The following DNAAF1 variants were observed in gnomAD, a reference collection of about 807,000 sequenced individuals.
DNAAF1 encodes dynein assembly factor 1, axonemal.
In DNAAF1, 65 loss-of-function variants were observed where a neutral mutation model predicts 71.1. The observed-to-expected ratio is 0.91, with a 90% CI of 0.75 to 1.12. The LOEUF (loss-of-function observed/expected upper bound fraction) is 1.12. Among genes scored for constraint, DNAAF1 ranks in the 50% most tolerant of loss-of-function variants. DNAAF1 has a pLI of 0.00. For synonymous variants in DNAAF1, 414 were observed against 354.6 expected (o/e 1.17, Z -1.88); for missense variants, 1,178 against 899.8 (o/e 1.31, Z -3.96).
chr16:84,163,504 C>G (rs575214246), intron 6 of DNAAF1, among the ~76,000 whole-genome samples: 20 of 152,154 alleles, frequency 1.3e-4, no homozygotes, highest in African/African-American at 4.3e-4. Flanking sequence ...CCTCAGCCTC[C>G]CTAGTAGCTG....
intron 11 of DNAAF1, chr16:84,177,423 C>T (rs1355295909): frequency 2.7e-6 from 1 of 371,098 alleles, no homozygotes; most frequent in Non-Finnish European, 5.3e-6. Context: ...TTACAGGCAC[C>T]CGTCAAGGGA....
chr16:84,166,362 C>CTTTT (rs2087993209), intron 7 of DNAAF1, among the ~76,000 whole-genome samples: 1 of 125,276 alleles, frequency 8.0e-6, no homozygotes, highest in African/African-American at 3.1e-5. Flanking sequence ...CTTGGATTTT[C>CTTTT]TTTTTTTCTT....
At chr16:84,166,092 T>C in intron 7 of DNAAF1, 143 bp downstream of exon 7, 4 of 1,187,832 alleles carry the variant, frequency 3.4e-6, no homozygotes, top group Non-Finnish European at 4.7e-6. Context: ...GTCACTGAGG[T>C]TGCAAAGTTG....
intron 7 of DNAAF1, among the ~76,000 whole-genome samples, chr16:84,168,572 C>T (rs904127950): frequency 6.6e-6 from 1 of 152,142 alleles, no homozygotes; most frequent in African/African-American, 2.4e-5. Context: ...GCCACTGCAC[C>T]TGGCCACACA....
At chr16:84,169,679 C>G (rs2088218998) in intron 7 of DNAAF1, among the ~76,000 whole-genome samples, 180 bp from the exon 8 acceptor site, 1 of 152,146 alleles carries the variant, frequency 6.6e-6, no homozygotes, top group Non-Finnish European at 1.5e-5. Context: ...CCTCGGCCTC[C>G]CAAAGTGCTG....
intron 10 of DNAAF1, among the ~76,000 whole-genome samples, chr16:84,175,075 C>T (rs191853914): frequency 1.4e-4 from 21 of 152,234 alleles, no homozygotes; most frequent in African/African-American, 4.3e-4. Flanking sequence ...AGGCTGGTCT[C>T]GAACTCCTGA....
intron 3 of DNAAF1, among the ~76,000 whole-genome samples, chr16:84,151,424 A>T (rs372819917): frequency 6.6e-6 from 1 of 152,156 alleles, no homozygotes; most frequent in African/African-American, 2.4e-5. Flanking sequence ...GCCCACTCCA[A>T]AATTCTCTAC....
At chr16:84,168,230 G>T (rs2088127336) in intron 7 of DNAAF1, among the ~76,000 whole-genome samples, 1 of 152,130 alleles carries the variant, frequency 6.6e-6, no homozygotes, top group South Asian at 2.1e-4. Flanking sequence ...TTCCATGCCA[G>T]CAGTGTGGCA....
In DNAAF1 at chr16:84,150,336, T is replaced by C. The variant is rs1270138457; in HGVS notation, c.346T>C (p.Phe116Leu). ...PALNDTLYLH[F>L]KGFDRIENLE... is the part of the protein sequence containing the mutation. Reference sequence around the variant, plus strand: ...ATTGAATGATACGCTGTATTTACACTTTAAAGGTAAGGACCTAAGAGAGGA... The same window carrying C: ...ATTGAATGATACGCTGTATTTACACCTTAAAGGTAAGGACCTAAGAGAGGA... The change falls in exon 3 of 12, where the codon TTT becomes CTT. Residue 116 changes from phenylalanine to leucine, a missense_variant. Coordinates refer to ENST00000378553, the MANE Select transcript of DNAAF1 (RefSeq NM_178452.6). 1.2e-6 allele frequency: 2 copies of C among 1,610,508 alleles called. No individual in the cohort carries two copies. Among genetic ancestry groups the C allele is most frequent in the African/African-American group, 2.7e-5 (2 of 74,848 alleles).
chr16:84,166,778 C>G (rs1011745366), intron 7 of DNAAF1, among the ~76,000 whole-genome samples: 6 of 152,214 alleles, frequency 3.9e-5, no homozygotes, highest in Non-Finnish European at 8.8e-5. Context: ...TGAGCTGTTT[C>G]AAACCACTTT....
intron 2 of DNAAF1, among the ~76,000 whole-genome samples, chr16:84,149,922 G>A (rs543101663): frequency 2.0e-5 from 3 of 152,130 alleles, no homozygotes; most frequent in African/African-American, 7.2e-5. Context: ...CTACTCGGGA[G>A]GCTGAGGCAG....
chr16:84,152,096 A>G (rs1363309986), intron 3 of DNAAF1, among the ~76,000 whole-genome samples: 2 of 152,224 alleles, frequency 1.3e-5, no homozygotes, highest in Non-Finnish European at 2.9e-5. Context: ...GTCAAGGGCT[A>G]AGAGGACTGA....
intron 7 of DNAAF1, among the ~76,000 whole-genome samples, chr16:84,166,767 A>T (rs1031789878): frequency 1.3e-5 from 2 of 152,216 alleles, no homozygotes; most frequent in African/African-American, 2.4e-5. Context: ...TCAAACAGTG[A>T]TGAGCTGTTT....
rs755549512 is a variant in DNAAF1, at chr16:84,150,323, G to A, written c.333G>A (p.Thr111=). ...ATATTACCCCAGCATTGAATGATACGCTGTATTTACACTTTAAAGGTAAGG... is the reference window on the plus strand; with the variant it reads ...ATATTACCCCAGCATTGAATGATACACTGTATTTACACTTTAAAGGTAAGG... The part of the protein sequence containing the change: ...KLYITPALND[T]LYLHFKGFDR... Residue 111 remains threonine, a synonymous_variant, in exon 3 of 12, where the codon ACG becomes ACA. Coordinates refer to ENST00000378553, the MANE Select transcript of DNAAF1 (RefSeq NM_178452.6). 11 of 1,612,940 alleles carry A rather than the reference G, an allele frequency of 6.8e-6. No homozygotes were observed. In the South Asian group the frequency reaches 7.7e-5, roughly 11 times the overall value.
At chr16:84,157,003 C>G (rs963282006) in intron 5 of DNAAF1, among the ~76,000 whole-genome samples, 14 of 151,736 alleles carry the variant, frequency 9.2e-5, no homozygotes, top group African/African-American at 3.1e-4. Context: ...CAGGTGTGCA[C>G]CACCACGTCC....
intron 6 of DNAAF1, among the ~76,000 whole-genome samples, chr16:84,162,454 A>G (rs62048441): frequency 0.11 from 16,001 of 152,072 alleles, 912 homozygotes; most frequent in South Asian, 0.28. Flanking sequence ...GTACAATGCA[A>G]TGGCTTTGAG....
At chr16:84,148,489 G>A (rs1236380944) in intron 1 of DNAAF1, among the ~76,000 whole-genome samples, 2 of 150,822 alleles carry the variant, frequency 1.3e-5, no homozygotes, top group East Asian at 3.9e-4. Flanking sequence ...TTGTGCACCT[G>A]TACAAGAGTT....
Position 84,177,566 on chromosome 16 carries a change from T to C in DNAAF1, c.2066-163T>C, listed in dbSNP as rs760344363. 25 of 660,306 alleles carry C rather than the reference T, an allele frequency of 3.8e-5. No individual in the cohort carries two copies. The African/African-American group carries it at 4.1e-4, about 11-fold the overall frequency. The allele number at this position is 660,306 out of a possible 1,614,324, so 40.9% of individuals were successfully genotyped here. On this transcript the variant is annotated intron_variant, in intron 11 of 11. Coordinates refer to ENST00000378553, the MANE Select transcript of DNAAF1 (RefSeq NM_178452.6). ...CTGGTCTCGAACTCCTGACCTCAGG[T>C]GATCTGTTTGCCTCGGCCTCCCAAA... is the stretch of plus-strand genomic sequence containing the variant.
chr16:84,157,609 C>T (rs2087501050), intron 5 of DNAAF1, among the ~76,000 whole-genome samples: 1 of 151,962 alleles, frequency 6.6e-6, no homozygotes, highest in Non-Finnish European at 1.5e-5. Context: ...CCTTTGACAG[C>T]CTCCTTGCTT....
Sources: gnomAD v4.1 joint callset for allele counts (sites outside exome capture counted in the v4.1 genomes callset) on GRCh38, gnomAD v4.1.1 for gene constraint, MANE v1.5 for transcripts, NCBI Gene and HGNC (gene_info 2026-07-23, HGNC 2026-07-21) for gene names.